DGKB: variants seen among roughly 807,000 people sequenced by gnomAD.
DGKB encodes 90 kDa diacylglycerol kinase.
DGKB carries 67 observed loss-of-function variants against 114.3 expected under a neutral mutation model. That is an observed-to-expected ratio of 0.59 (90% confidence interval 0.48 to 0.72). The LOEUF (loss-of-function observed/expected upper bound fraction) is 0.72. DGKB is among the 30% of genes least tolerant of loss of function. DGKB has a pLI of 0.00. For synonymous variants in DGKB, 398 were observed against 323.1 expected (o/e 1.23, Z -2.49); for missense variants, 907 against 975.2 (o/e 0.93, Z 0.93).
chr7:14,845,138 A>T lies in DGKB; in HGVS notation c.-187-3688T>A, dbSNP rs1332436596. Reference sequence around the variant, plus strand: ...AAAAAAAAAAAAAAAAAAAAAAAAAAAGAAAGAAAGAAAAAAAGGAAGAAA... The same window carrying T: ...AAAAAAAAAAAAAAAAAAAAAAAAATAGAAAGAAAGAAAAAAAGGAAGAAA... On this transcript the variant is annotated intron_variant, in intron 1 of 25. Coordinates refer to ENST00000402815, the MANE Select transcript of DGKB (RefSeq NM_001350709.2). 3.6e-5 allele frequency among the ~76,000 whole-genome samples: 5 copies of T among 138,288 alleles called. 1 individual carries two copies. Among genetic ancestry groups the T allele is most frequent in the Non-Finnish European group, 4.7e-5 (3 of 63,474 alleles). The allele number at this position is 138,288 out of a possible 152,430, so 90.7% of individuals were successfully genotyped here.
intron 1 of DGKB, among the ~76,000 whole-genome samples, chr7:14,922,558 A>T (rs2128247614): frequency 6.6e-6 from 1 of 152,206 alleles, no homozygotes; most frequent in Non-Finnish European, 1.5e-5. Context: ...CAAAAATGAT[A>T]TAGAATAACA....
At chr7:14,705,902 A>G (rs1396732209) in intron 6 of DGKB, among the ~76,000 whole-genome samples, 1 of 152,194 alleles carries the variant, frequency 6.6e-6, no homozygotes, top group Non-Finnish European at 1.5e-5. Context: ...AAGAAACTGC[A>G]TCAAATAACG....
At chr7:14,704,267 C>G (rs1197809320) in intron 6 of DGKB, among the ~76,000 whole-genome samples, 1 of 132,736 alleles carries the variant, frequency 7.5e-6, no homozygotes, top group African/African-American at 3.0e-5. Flanking sequence ...AACCCCGTCT[C>G]TACTAAAAAT....
intron 1 of DGKB, among the ~76,000 whole-genome samples, chr7:14,856,281 A>G (rs1322634291): frequency 1.3e-5 from 2 of 152,106 alleles, no homozygotes; most frequent in African/African-American, 4.8e-5. Flanking sequence ...AGAAAACACA[A>G]AGATCCTGAA....
rs1006377898 is a variant in DGKB at position 14,145,433 on chromosome 7, G to A, written c.*3698C>T. The A allele has an allele frequency of 6.7e-6, 1 of 150,252 alleles. No homozygotes were observed. The highest frequency in any genetic ancestry group is 6.8e-5 in the Admixed American group (1 of 14,804). The allele number at this position is 150,252 out of a possible 1,614,324, so 9.3% of individuals were successfully genotyped here. A position where few individuals can be genotyped will look rare whatever the true frequency, so the allele number is the denominator to read the frequency against. ...TTGTTCAGTATTGAATAATCCTTTG[G>A]GGGTTATACGTGCCATGAAAAGTAC... On this transcript the variant is annotated 3_prime_UTR_variant, in exon 26 of 26. Transcript: ENST00000402815.
chr7:14,304,348 T>C (rs1221224453), intron 23 of DGKB, among the ~76,000 whole-genome samples: 1 of 152,114 alleles, frequency 6.6e-6, no homozygotes, highest in Non-Finnish European at 1.5e-5. Flanking sequence ...TGCGGTGTTT[T>C]ATAGATTTTT....
chr7:14,276,724 A>G (rs1178301763), intron 23 of DGKB, among the ~76,000 whole-genome samples: 4 of 152,018 alleles, frequency 2.6e-5, no homozygotes, highest in Admixed American at 6.5e-5. Flanking sequence ...TACTTTGCTA[A>G]GATATTTTAT....
At position 14,162,270 on chromosome 7, in the gene DGKB, C is replaced by G. The variant is rs1346076512; in HGVS notation, c.2305-13032G>C. On this transcript the variant is annotated intron_variant, in intron 25 of 25. Coordinates refer to ENST00000402815, the MANE Select transcript of DGKB (RefSeq NM_001350709.2). ...TTCTAACTGCTAAAAGCAATCAAAC[C>G]TGTGCATTATTATTCTGATGATAAC... 1.3e-5 allele frequency among the ~76,000 whole-genome samples: 2 copies of G among 152,300 alleles called. 1 individual carries two copies. Among genetic ancestry groups the G allele is most frequent in the South Asian group, 4.1e-4 (2 of 4,824 alleles).
At chr7:14,187,260 C>G (rs1386588944) in intron 23 of DGKB, among the ~76,000 whole-genome samples, 2 of 152,174 alleles carry the variant, frequency 1.3e-5, no homozygotes, top group Non-Finnish European at 2.9e-5. Flanking sequence ...CTGCTGTACT[C>G]ACATGCACCT....
At chr7:14,840,246 T>G (rs10487783) in intron 2 of DGKB, among the ~76,000 whole-genome samples, 7,893 of 152,174 alleles carry the variant, frequency 0.052, 378 homozygotes, top group East Asian at 0.28. Flanking sequence ...CCTTTCCACT[T>G]CTTGCATTTT....
At chr7:14,904,219 TACAC>T (rs10624589), upstream of DGKB, among the ~76,000 whole-genome samples, 5 of 150,850 alleles carry the variant, frequency 3.3e-5, no homozygotes, top group South Asian at 8.4e-4. Context: ...CCCTCCTAAA[TACAC>T]ACACACACAC....
intron 25 of DGKB, among the ~76,000 whole-genome samples, chr7:14,159,623 G>C (rs530156660): frequency 2.6e-5 from 4 of 152,260 alleles, no homozygotes; most frequent in African/African-American, 9.6e-5. Context: ...CAGCTTCATA[G>C]AGATGGAATT....
chr7:14,179,029 C>A (rs1782237580), intron 23 of DGKB, among the ~76,000 whole-genome samples: 1 of 152,024 alleles, frequency 6.6e-6, no homozygotes, highest in African/African-American at 2.4e-5. Context: ...GTGACAGAGC[C>A]AAAAAGTGAA....
At chr7:14,476,911 C>T (rs1004599172) in intron 21 of DGKB, among the ~76,000 whole-genome samples, 2 of 151,928 alleles carry the variant, frequency 1.3e-5, no homozygotes, top group Non-Finnish European at 2.9e-5. Flanking sequence ...CCCACCACCA[C>T]GCCCTCATTT....
At chr7:14,279,197 G>C (rs766965170) in intron 23 of DGKB, among the ~76,000 whole-genome samples, 1 of 151,764 alleles carries the variant, frequency 6.6e-6, no homozygotes, top group Non-Finnish European at 1.5e-5. Context: ...GGCGCACCAC[G>C]AGATTATATC....
chr7:14,259,449 C>T (rs187536714), intron 23 of DGKB, among the ~76,000 whole-genome samples: 6 of 150,738 alleles, frequency 4.0e-5, no homozygotes, highest in East Asian at 2.0e-4. Flanking sequence ...TGTTATAAGA[C>T]GGAGTCTTGC....
At chr7:14,827,448 C>CAGAG (rs1562644287) in intron 2 of DGKB, among the ~76,000 whole-genome samples, 1 of 151,868 alleles carries the variant, frequency 6.6e-6, no homozygotes, top group Non-Finnish European at 1.5e-5. Flanking sequence ...CAGACACAGA[C>CAGAG]AGACAGACAG....
intron 23 of DGKB, among the ~76,000 whole-genome samples, chr7:14,231,634 G>A (rs541752291): frequency 1.9e-4 from 29 of 151,850 alleles, no homozygotes; most frequent in East Asian, 1.9e-4. Flanking sequence ...GTGTGTGAAT[G>A]TGTGTGTGTA....
chr7:14,876,166 T>C (rs947502857), intron 1 of DGKB, among the ~76,000 whole-genome samples: 70 of 152,130 alleles, frequency 4.6e-4, no homozygotes, highest in Non-Finnish European at 5.0e-4. Flanking sequence ...TGTTTACCAT[T>C]GCCATGGCAA....
Sources: gnomAD v4.1 joint callset for allele counts (sites outside exome capture counted in the v4.1 genomes callset) on GRCh38, gnomAD v4.1.1 for gene constraint, MANE v1.5 for transcripts, NCBI Gene and HGNC (gene_info 2026-07-23, HGNC 2026-07-21) for gene names.